The following UHRF2 variants were observed in gnomAD, a reference collection of about 807,000 sequenced individuals.
The protein encoded by UHRF2 is ubiquitin like with PHD and ring finger domains 2.
A neutral mutation model predicts 96.8 loss-of-function variants in UHRF2; 23 were observed. The ratio of observed to expected loss-of-function variants is 0.24; its 90% CI spans 0.17 to 0.34. UHRF2 has a LOEUF of 0.34. UHRF2 is among the 10% of genes least tolerant of loss of function. UHRF2 has a pLI of 1.00. For missense variants in UHRF2, 685 were observed against 981.5 expected (o/e 0.70, Z 4.04); for synonymous variants, 385 against 332.6 (o/e 1.16, Z -1.72).
At position 6,446,811 on chromosome 9, in the gene UHRF2, C is replaced by A. The variant is rs545549141; in HGVS notation, c.644+12638C>A. Among the ~76,000 whole-genome samples the A allele has an allele frequency of 2.6e-5, 4 of 152,010 alleles. No individual in the cohort carries two copies. In the South Asian group the frequency reaches 8.3e-4, roughly 32 times the overall value. On this transcript the variant is annotated intron_variant, in intron 3 of 15. Transcript: ENST00000276893. ...AGTGAGCTGAAATGGCGCCACTGCACTCCAGCCTGGGTGACAGAGTGAGAC... is the reference window on the plus strand; with the variant it reads ...AGTGAGCTGAAATGGCGCCACTGCAATCCAGCCTGGGTGACAGAGTGAGAC...
chr9:6,470,937 T>C (rs1306705890), intron 4 of UHRF2, among the ~76,000 whole-genome samples: 1 of 152,198 alleles, frequency 6.6e-6, no homozygotes, highest in African/African-American at 2.4e-5. Context: ...TCAGCCTTTA[T>C]ATTAACTGTG....
intron 3 of UHRF2, among the ~76,000 whole-genome samples, chr9:6,456,471 G>A (rs1388355059): frequency 6.6e-5 from 10 of 151,918 alleles, no homozygotes; most frequent in Non-Finnish European, 1.3e-4. Flanking sequence ...ATGTTCTCTC[G>A]TTCTGTAGGT....
chr9:6,475,250 G>C (rs1823497327), intron 4 of UHRF2, 141 bp from the exon 5 acceptor site: 1 of 441,510 alleles, frequency 2.3e-6, no homozygotes, highest in Admixed American at 3.5e-5. Context: ...GAAAACAATA[G>C]TTCAGAATGA....
chr9:6,476,940 CCTTT>C (rs1171311393), intron 5 of UHRF2, among the ~76,000 whole-genome samples: 1 of 152,106 alleles, frequency 6.6e-6, no homozygotes, highest in Non-Finnish European at 1.5e-5. Context: ...CTTTTTGGTT[CCTTT>C]CTTTTCATTA....
At chr9:6,432,357 G>T (rs1221929008) in intron 2 of UHRF2, among the ~76,000 whole-genome samples, 1 of 152,110 alleles carries the variant, frequency 6.6e-6, no homozygotes, top group Admixed American at 6.5e-5. Context: ...CTGTCATTTT[G>T]TGGTTTGAAA....
At chr9:6,418,259 CTTT>C (rs200084021) in intron 1 of UHRF2, among the ~76,000 whole-genome samples, 31 of 124,832 alleles carry the variant, frequency 2.5e-4, no homozygotes, top group African/African-American at 3.1e-4. Flanking sequence ...GAGGATGTTC[CTTT>C]TTTTTTTTTT....
intron 8 of UHRF2, 108 bp downstream of exon 8, chr9:6,482,207 T>A: frequency 1.1e-6 from 1 of 895,364 alleles, no homozygotes; most frequent in Non-Finnish European, 1.8e-6. Context: ...ATTCACTTGT[T>A]AGAATGAAAT....
intron 9 of UHRF2, among the ~76,000 whole-genome samples, chr9:6,487,457 C>G (rs1369897119): frequency 2.0e-5 from 3 of 152,140 alleles, no homozygotes; most frequent in Non-Finnish European, 2.9e-5. Flanking sequence ...ATCTCCTCCT[C>G]CCAGATTCAA....
intron 8 of UHRF2, among the ~76,000 whole-genome samples, chr9:6,483,687 C>A (rs1265268144): frequency 6.6e-6 from 1 of 152,086 alleles, no homozygotes; most frequent in Non-Finnish European, 1.5e-5. Flanking sequence ...CTACTTTTAT[C>A]TTTTTTGTTT....
At chr9:6,441,429 A>T (rs1013520885) in intron 3 of UHRF2, among the ~76,000 whole-genome samples, 7 of 151,992 alleles carry the variant, frequency 4.6e-5, no homozygotes. Context: ...AGAAATGCAA[A>T]TTCCTGGGCT....
chr9:6,478,012 C>T (rs1387187303), intron 6 of UHRF2, among the ~76,000 whole-genome samples: 3 of 152,132 alleles, frequency 2.0e-5, no homozygotes, highest in East Asian at 3.8e-4. Flanking sequence ...TAATCCCTTC[C>T]GTTTCTTCTC....
At position 6,493,817 on chromosome 9, in the gene UHRF2, C is replaced by A. The variant is rs766612231; in HGVS notation, c.1498-9C>A. The A allele has an allele frequency of 2.5e-6, 4 of 1,604,464 alleles. No homozygotes were observed. The South Asian group carries it at 3.4e-5, about 14-fold the overall frequency. On this transcript the variant is annotated splice_polypyrimidine_tract_variant and intron_variant, in intron 9 of 15. Transcript: ENST00000276893. Reference sequence around the variant, plus strand: ...TAGCTTTCTTAATAAAGAAAATCTTCTCTGACAGGACCGAGGTGATGAGTT... The same window carrying A: ...TAGCTTTCTTAATAAAGAAAATCTTATCTGACAGGACCGAGGTGATGAGTT...
rs372538646 is a variant in UHRF2, at chr9:6,500,006, C to G, written c.2005+75C>G. The G allele has an allele frequency of 8.7e-5, 103 of 1,190,604 alleles. 1 individual carries two copies. The highest frequency in any genetic ancestry group is 1.8e-4 in the African/African-American group (12 of 65,966). The allele number at this position is 1,190,604 out of a possible 1,614,324, so 73.8% of individuals were successfully genotyped here. A position where few individuals can be genotyped will look rare whatever the true frequency, so the allele number is the denominator to read the frequency against. On this transcript the variant is annotated intron_variant, in intron 13 of 15. Transcript: ENST00000276893. Reference sequence around the variant, plus strand: ...GTTGTTGTTGAGACGGGGTCTCACTCTTGTCACCCAGGCTGGAGTGCAGTG... The same window carrying G: ...GTTGTTGTTGAGACGGGGTCTCACTGTTGTCACCCAGGCTGGAGTGCAGTG...
At chr9:6,420,614 G>A (rs1819873918) in intron 1 of UHRF2, among the ~76,000 whole-genome samples, 1 of 151,750 alleles carries the variant, frequency 6.6e-6, no homozygotes, top group Non-Finnish European at 1.5e-5. Context: ...GGCTGAGGCA[G>A]GAGAATGGTG....
At chr9:6,429,815 G>T (rs114467332) in intron 2 of UHRF2, among the ~76,000 whole-genome samples, 4 of 152,178 alleles carry the variant, frequency 2.6e-5, no homozygotes, top group African/African-American at 9.7e-5. Flanking sequence ...ACACTTAGTG[G>T]GTGATAGATG....
At chr9:6,465,164 T>G (rs550993722) in intron 4 of UHRF2, among the ~76,000 whole-genome samples, 1 of 152,316 alleles carries the variant, frequency 6.6e-6, no homozygotes, top group East Asian at 1.9e-4. Flanking sequence ...AGAAAACATA[T>G]AAAATTTCAT....
rs141490017 is a variant in UHRF2, at chr9:6,487,231, C to T, written c.1497+306C>T. On this transcript the variant is annotated intron_variant, in intron 9 of 15. Coordinates refer to ENST00000276893, the MANE Select transcript of UHRF2 (RefSeq NM_152896.3). The stretch of plus-strand genomic sequence containing the variant: ...TTGAGATGGAGTCTCGCTATATCAC[C>T]TGGGCTGGAGTGCAGTGGTGTGATC... Among the ~76,000 whole-genome samples, 41 of 124,130 alleles carry T rather than the reference C, an allele frequency of 3.3e-4. No homozygotes were observed. The East Asian group carries it at 0.01, about 30-fold the overall frequency. 81.4% of individuals were successfully genotyped at this position (124,130 alleles called of 152,430 possible).
intron 1 of UHRF2, among the ~76,000 whole-genome samples, chr9:6,419,981 T>C (rs1319395644): frequency 1.3e-5 from 2 of 152,088 alleles, no homozygotes; most frequent in African/African-American, 4.8e-5. Flanking sequence ...GCTCCTGGGC[T>C]CAAGTGATCC....
In UHRF2 at chr9:6,499,962, A is replaced by G. The variant is rs1009130576; in HGVS notation, c.2005+31A>G. 7 of 1,453,574 alleles carry G rather than the reference A, an allele frequency of 4.8e-6. No homozygotes were observed. In the Admixed American group the frequency reaches 1.1e-4, roughly 22 times the overall value. 90.0% of individuals were successfully genotyped at this position (1,453,574 alleles called of 1,614,324 possible). On this transcript the variant is annotated intron_variant, in intron 13 of 15. Coordinates refer to ENST00000276893, the MANE Select transcript of UHRF2 (RefSeq NM_152896.3). ...TAATGATTGCAAAATATAAATAATA[A>G]TAACATACTTTTGTTGTTGTTGTTG...
Sources: allele counts gnomAD v4.1 joint callset (sites outside exome capture counted in the v4.1 genomes callset), GRCh38; gene constraint gnomAD v4.1.1; transcripts MANE v1.5; gene names NCBI Gene and HGNC (gene_info 2026-07-23, HGNC 2026-07-21).